TENM3: variants seen among roughly 807,000 people sequenced by gnomAD.
TENM3 encodes the protein teneurin transmembrane protein 3, also known as teneurin-3.
TENM3 carries 63 observed loss-of-function variants against 255.1 expected under a neutral mutation model. The observed-to-expected ratio is 0.25, with a 90% CI of 0.20 to 0.30. The LOEUF is 0.30. TENM3 is among the 10% of genes least tolerant of loss of function. The pLI, the probability that TENM3 is intolerant of heterozygous loss-of-function variation, is 1.00. For synonymous variants in TENM3, 1,306 were observed against 1,322.3 expected (o/e 0.99, Z 0.27); for missense variants, 2,929 against 3,461.1 (o/e 0.85, Z 3.86).
At chr4:181,855,861 G>T in the TENM3 span, among the ~76,000 whole-genome samples, 2 of 148,792 alleles carry the variant, frequency 1.3e-5, no homozygotes, top group Non-Finnish European at 1.5e-5. Context: ...GAGGGAGGGA[G>T]GATAGGAGGA....
chr4:182,595,652 AAG>A (rs1317022354), intron 3 of TENM3, among the ~76,000 whole-genome samples: 3 of 152,316 alleles, frequency 2.0e-5, no homozygotes, highest in Admixed American at 6.5e-5. Context: ...CGTGGAAAGA[AAG>A]AGTAAATTTA....
intron 11 of TENM3, among the ~76,000 whole-genome samples, chr4:182,686,052 C>G (rs1756549701): frequency 6.6e-6 from 1 of 151,858 alleles, no homozygotes; most frequent in Non-Finnish European, 1.5e-5. Flanking sequence ...AGTTGAAAAT[C>G]TAATTTTACC....
At chr4:182,597,564 A>G (rs747238977) in intron 3 of TENM3, among the ~76,000 whole-genome samples, 5 of 152,218 alleles carry the variant, frequency 3.3e-5, no homozygotes, top group Non-Finnish European at 7.3e-5. Flanking sequence ...TGTGCTGGCA[A>G]GTAGATTATT....
chr4:181,671,532 C>A, the TENM3 span, among the ~76,000 whole-genome samples: 1 of 152,086 alleles, frequency 6.6e-6, no homozygotes, highest in Non-Finnish European at 1.5e-5. Context: ...TTCACTTGAA[C>A]AATAATACCT....
intron 16 of TENM3, among the ~76,000 whole-genome samples, chr4:182,735,500 A>G (rs779140747): frequency 1.3e-5 from 2 of 152,176 alleles, no homozygotes; most frequent in Non-Finnish European, 2.9e-5. Flanking sequence ...TAACTGTTCT[A>G]TGTGGAGGTG....
At chr4:181,510,899 TG>T in the TENM3 span, among the ~76,000 whole-genome samples, 1,500 of 152,344 alleles carry the variant, frequency 9.8e-3, 25 homozygotes, top group African/African-American at 0.034. Flanking sequence ...CTGTAATGTA[TG>T]TAGAAGCTAT....
At chr4:181,556,881 C>T in the TENM3 span, among the ~76,000 whole-genome samples, 8 of 152,214 alleles carry the variant, frequency 5.3e-5, no homozygotes, top group East Asian at 7.7e-4. Flanking sequence ...CCAAATTCAG[C>T]GTAATGAGAA....
chr4:182,147,101 T>G (rs1276300355), intron 1 of TENM3, among the ~76,000 whole-genome samples: 1 of 152,170 alleles, frequency 6.6e-6, no homozygotes, highest in Non-Finnish European at 1.5e-5. Flanking sequence ...ACAATAATGA[T>G]CCAGTTAGTA....
At chr4:182,730,458 C>T (rs1687678580) in intron 15 of TENM3, 139 bp downstream of exon 15, 5 of 901,284 alleles carry the variant, frequency 5.5e-6, no homozygotes, top group Non-Finnish European at 8.2e-6. Context: ...TGTGACAGTA[C>T]ATATGGCAGA....
At chr4:182,728,455 A>G (rs1355198874) in intron 13 of TENM3, among the ~76,000 whole-genome samples, 2 of 152,216 alleles carry the variant, frequency 1.3e-5, no homozygotes, top group African/African-American at 4.8e-5. Flanking sequence ...GATTCTTTTC[A>G]GCCATCTCTA....
chr4:181,936,976 T>C, the TENM3 span, among the ~76,000 whole-genome samples: 1 of 152,172 alleles, frequency 6.6e-6, no homozygotes, highest in African/African-American at 2.4e-5. Flanking sequence ...GCAAGCAGTG[T>C]GTTGTTGTAA....
chr4:182,722,734 G>A (rs1442762618), intron 13 of TENM3, among the ~76,000 whole-genome samples: 1 of 152,236 alleles, frequency 6.6e-6, no homozygotes, highest in Non-Finnish European at 1.5e-5. Flanking sequence ...CTAACATGTA[G>A]AGAATGGATA....
chr4:181,614,635 C>G, the TENM3 span, among the ~76,000 whole-genome samples: 1 of 152,170 alleles, frequency 6.6e-6, no homozygotes, highest in African/African-American at 2.4e-5. Flanking sequence ...GTGAGCTTAC[C>G]ACATTTCCTC....
At chr4:181,693,575 A>C in the TENM3 span, among the ~76,000 whole-genome samples, 1 of 152,154 alleles carries the variant, frequency 6.6e-6, no homozygotes, top group African/African-American at 2.4e-5. Context: ...TTTTGCTCTC[A>C]GCGGGAGAAA....
At chr4:182,231,530 C>T (rs760448199) in intron 1 of TENM3, among the ~76,000 whole-genome samples, 1 of 152,260 alleles carries the variant, frequency 6.6e-6, no homozygotes, top group Admixed American at 6.5e-5. Flanking sequence ...TTATATTTCA[C>T]GGGCAGCTGC....
chr4:182,429,708 G>C (rs565599596), intron 3 of TENM3, among the ~76,000 whole-genome samples: 1 of 152,258 alleles, frequency 6.6e-6, no homozygotes, highest in Admixed American at 6.5e-5. Context: ...AGCTGCAGTT[G>C]TATTAACCAT....
the TENM3 span, among the ~76,000 whole-genome samples, chr4:181,870,664 G>A: frequency 6.6e-6 from 1 of 151,990 alleles, no homozygotes; most frequent in Non-Finnish European, 1.5e-5. Context: ...GGGTATTTGG[G>A]TATTTGCTTT....
At chr4:181,665,732 C>CATTTA in the TENM3 span, among the ~76,000 whole-genome samples, 1 of 151,938 alleles carries the variant, frequency 6.6e-6, no homozygotes, top group Non-Finnish European at 1.5e-5. Flanking sequence ...AAAAATCTAG[C>CATTTA]ACATTTAACA....
chr4:182,773,357 C>G lies in TENM3; in HGVS notation c.4893-115C>G, dbSNP rs565427765. 1.7e-5 allele frequency: 16 copies of G among 950,128 alleles called. No individual in the cohort carries two copies. In the African/African-American group the frequency reaches 2.5e-4, roughly 15 times the overall value. 58.9% of individuals were successfully genotyped at this position (950,128 alleles called of 1,614,324 possible). On this transcript the variant is annotated intron_variant, in intron 22 of 27. Coordinates refer to ENST00000511685, the MANE Select transcript of TENM3 (RefSeq NM_001080477.4). ...GTCTTCACTCTGCATCGCTCATCCA[C>G]GAAGACAAATAGTCCTCCAAATTTG... is the stretch of plus-strand genomic sequence containing the variant.
Sources: allele counts gnomAD v4.1 joint callset (sites outside exome capture counted in the v4.1 genomes callset), GRCh38; gene constraint gnomAD v4.1.1; transcripts MANE v1.5; gene names NCBI Gene and HGNC (gene_info 2026-07-23, HGNC 2026-07-21).